KIF16B: variants seen among roughly 807,000 people sequenced by gnomAD.
KIF16B encodes kinesin family member 16B.
In KIF16B, 98 loss-of-function variants were observed where a neutral mutation model predicts 156.3. The ratio of observed to expected loss-of-function variants is 0.63; its 90% CI spans 0.53 to 0.74. The LOEUF (loss-of-function observed/expected upper bound fraction) is 0.74. Among genes scored for constraint, KIF16B ranks in the 30% least tolerant of loss-of-function variants. KIF16B has a pLI of 0.00. For synonymous variants in KIF16B, 564 were observed against 583.7 expected (o/e 0.97, Z 0.49); for missense variants, 1,421 against 1,606.5 (o/e 0.88, Z 1.97).
chr20:16,379,977 C>T lies in KIF16B; in HGVS notation c.2025G>A (p.Glu675=), dbSNP rs2065053576. 2.5e-6 allele frequency: 4 copies of T among 1,612,688 alleles called. No homozygotes were observed. The highest frequency in any genetic ancestry group is 1.3e-5 in the African/African-American group (1 of 74,760). ...GCCTCTCCTCTTCAAATTTTTCCTT[C>T]TCCGCAAGTAAATCCTTTAGCTTGT... ...IENKLKDLLA[E]KEKFEEERLR... is the part of the protein sequence containing the mutation. Residue 675 remains glutamate, a synonymous_variant, in exon 19 of 26, where the codon GAG becomes GAA. Transcript: ENST00000354981.
intron 23 of KIF16B, among the ~76,000 whole-genome samples, chr20:16,351,987 T>C (rs928520648): frequency 3.3e-5 from 5 of 152,166 alleles, no homozygotes; most frequent in African/African-American, 9.7e-5. Context: ...CTCCAAAACA[T>C]TACATTAAAG....
At chr20:16,341,609 A>C (rs1189664916) in intron 23 of KIF16B, among the ~76,000 whole-genome samples, 1 of 152,236 alleles carries the variant, frequency 6.6e-6, no homozygotes, top group Non-Finnish European at 1.5e-5. Flanking sequence ...TCTGCCCTCG[A>C]TATTTCAGTT....
chr20:16,536,654 T>C (rs2069978363), intron 1 of KIF16B, among the ~76,000 whole-genome samples: 2 of 152,230 alleles, frequency 1.3e-5, no homozygotes, highest in Admixed American at 1.3e-4. Context: ...ATATCTATGA[T>C]GGTTGGAGCT....
At chr20:16,429,792 A>C in intron 13 of KIF16B, 71 bp downstream of exon 13, 1 of 1,319,934 alleles carries the variant, frequency 7.6e-7, no homozygotes, top group East Asian at 2.4e-5. Flanking sequence ...AGAATATTAT[A>C]ATAAACCTAG....
At chr20:16,335,338 T>A (rs1407326360) in intron 24 of KIF16B, among the ~76,000 whole-genome samples, 1 of 152,226 alleles carries the variant, frequency 6.6e-6, no homozygotes, top group Non-Finnish European at 1.5e-5. Context: ...TTGAGAAACC[T>A]GTGTTTGTTC....
chr20:16,415,734 T>A (rs530346604), intron 15 of KIF16B, among the ~76,000 whole-genome samples: 1 of 152,298 alleles, frequency 6.6e-6, no homozygotes, highest in South Asian at 2.1e-4. Flanking sequence ...TTTTTCACTA[T>A]ATGCCATTAA....
At chr20:16,364,019 T>C (rs547414274) in intron 22 of KIF16B, among the ~76,000 whole-genome samples, 25 of 152,270 alleles carry the variant, frequency 1.6e-4, no homozygotes, top group African/African-American at 6.0e-4. Flanking sequence ...CAAAGGAGCA[T>C]TAATAAAAGT....
intron 5 of KIF16B, 91 bp downstream of exon 5, chr20:16,512,735 A>C: frequency 1.3e-6 from 1 of 788,724 alleles, no homozygotes; most frequent in East Asian, 2.5e-5. Context: ...AGGAATCTAA[A>C]GACCTTATCC....
Position 16,504,509 on chromosome 20 carries a change from T to C in KIF16B, c.1039A>G (p.Ser347Gly). The change falls in exon 10 of 26, where the codon AGT becomes GGT. Residue 347 changes from serine to glycine, a missense_variant. Transcript: ENST00000354981. The stretch of plus-strand genomic sequence containing the variant: ...GCTCTATTTGCATAGCGAAGAGTAC[T>C]TAGGGTTTCTCCATAATTGACATCA... The part of the protein sequence containing the change: ...PADVNYGETL[S>G]TLRYANRAKN... 1 of 1,614,058 alleles carries C rather than the reference T, an allele frequency of 6.2e-7. No homozygotes were observed. Among genetic ancestry groups the C allele is most frequent in the Non-Finnish European group, 8.5e-7 (1 of 1,179,948 alleles).
In KIF16B at chr20:16,336,114, G is replaced by A. The variant is rs1356620198; in HGVS notation, c.3622-99C>T. 4.2e-6 allele frequency: 3 copies of A among 706,338 alleles called. No individual in the cohort carries two copies. In the East Asian group the frequency reaches 8.4e-5, roughly 20 times the overall value. 43.8% of individuals were successfully genotyped at this position (706,338 alleles called of 1,614,324 possible). ...AAATTAAATTTAAAAAAAGTGATTA[G>A]CATGTAAAATTTCTCTAGAACTGAA... is the stretch of plus-strand genomic sequence containing the variant. On this transcript the variant is annotated intron_variant, in intron 23 of 25. Transcript: ENST00000354981.
At chr20:16,470,544 T>C (rs1440848340) in intron 12 of KIF16B, among the ~76,000 whole-genome samples, 1 of 152,112 alleles carries the variant, frequency 6.6e-6, no homozygotes, top group East Asian at 1.9e-4. Context: ...AGTGCAGTGG[T>C]TGATCACAGC....
intron 12 of KIF16B, among the ~76,000 whole-genome samples, chr20:16,450,152 T>A (rs1290427087): frequency 6.6e-6 from 1 of 152,180 alleles, no homozygotes; most frequent in Non-Finnish European, 1.5e-5. Flanking sequence ...TTATGAGCAT[T>A]TGGTCAAAAA....
intron 15 of KIF16B, among the ~76,000 whole-genome samples, chr20:16,407,781 A>C (rs1220354607): frequency 6.6e-6 from 1 of 151,602 alleles, no homozygotes; most frequent in Non-Finnish European, 1.5e-5. Flanking sequence ...CAGAGGAAAA[A>C]CTCCAGTCTA....
chr20:16,367,668 T>C (rs1278285599), intron 22 of KIF16B: 8 of 1,612,660 alleles, frequency 5.0e-6, no homozygotes, highest in Non-Finnish European at 6.8e-6. Context: ...TAGTCTGGAA[T>C]TTGGATGACA....
intron 3 of KIF16B, among the ~76,000 whole-genome samples, chr20:16,516,067 C>T (rs546607422): frequency 6.6e-6 from 1 of 152,258 alleles, no homozygotes; most frequent in East Asian, 1.9e-4. Flanking sequence ...ACCTGAAGGT[C>T]ACAGAAATTA....
intron 15 of KIF16B, among the ~76,000 whole-genome samples, chr20:16,418,298 T>C (rs2066140982): frequency 6.6e-6 from 1 of 152,082 alleles, no homozygotes; most frequent in African/African-American, 2.4e-5. Flanking sequence ...TTCAAACACA[T>C]GAGAAGTCAA....
intron 17 of KIF16B, among the ~76,000 whole-genome samples, chr20:16,397,444 C>T (rs1203252220): frequency 6.6e-6 from 1 of 152,186 alleles, no homozygotes; most frequent in Non-Finnish European, 1.5e-5. Context: ...ATACAATGTT[C>T]TTGGGGAACA....
intron 24 of KIF16B, among the ~76,000 whole-genome samples, chr20:16,334,989 A>C (rs919624003): frequency 2.0e-5 from 3 of 152,236 alleles, no homozygotes; most frequent in African/African-American, 4.8e-5. Flanking sequence ...ATTTACAAAA[A>C]GCTATTTCTC....
At chr20:16,423,836 T>C (rs1005883445) in intron 15 of KIF16B, among the ~76,000 whole-genome samples, 4 of 151,746 alleles carry the variant, frequency 2.6e-5, no homozygotes, top group African/African-American at 9.7e-5. Context: ...CCATACAGGA[T>C]TCACTGAAGG....
Sources: gnomAD v4.1 joint callset for allele counts (sites outside exome capture counted in the v4.1 genomes callset) on GRCh38, gnomAD v4.1.1 for gene constraint, MANE v1.5 for transcripts, NCBI Gene and HGNC (gene_info 2026-07-23, HGNC 2026-07-21) for gene names.